Variants in KANK1 observed in about 807,000 individuals in gnomAD.
KANK1 encodes the protein KN motif and ankyrin repeat domain-containing protein 1.
KANK1 carries 109 observed loss-of-function variants against 106.2 expected under a neutral mutation model. That is an observed-to-expected ratio of 1.03 (90% confidence interval 0.88 to 1.20). The LOEUF is 1.20. Among genes scored for constraint, KANK1 ranks in the 50% most tolerant of loss-of-function variants. KANK1 has a pLI of 0.00. For missense variants in KANK1, 2,399 were observed against 1,710.7 expected, an observed-to-expected ratio of 1.40 and a Z score of -7.10; for synonymous variants, 873 against 652.2, an observed-to-expected ratio of 1.34 and a Z score of -5.16.
At chr9:727,935 A>C (rs1831172056) in intron 3 of KANK1, among the ~76,000 whole-genome samples, 1 of 152,112 alleles carries the variant, frequency 6.6e-6, no homozygotes. Flanking sequence ...AAACCTGAAA[A>C]ACTAGTTCAG....
At chr9:585,261 G>A (rs201409252) in intron 1 of KANK1, among the ~76,000 whole-genome samples, 5 of 152,316 alleles carry the variant, frequency 3.3e-5, no homozygotes, top group South Asian at 2.1e-4. Context: ...TTTGCCCGCT[G>A]TGCATCATCC....
At chr9:571,171 C>T (rs1006587300) in intron 1 of KANK1, among the ~76,000 whole-genome samples, 1 of 152,174 alleles carries the variant, frequency 6.6e-6, no homozygotes, top group Non-Finnish European at 1.5e-5. Context: ...ACCAGCTCCA[C>T]TGTGGGGTGT....
At chr9:508,535 A>G (rs1046002228) in intron 1 of KANK1, among the ~76,000 whole-genome samples, 2 of 151,860 alleles carry the variant, frequency 1.3e-5, no homozygotes, top group Non-Finnish European at 2.9e-5. Flanking sequence ...TATTGCCAGC[A>G]TTGCAGAAGT....
intron 1 of KANK1, among the ~76,000 whole-genome samples, chr9:553,884 T>TA (rs1347723378): frequency 1.3e-5 from 2 of 152,142 alleles, no homozygotes; most frequent in Non-Finnish European, 2.9e-5. Context: ...AATGCTCATT[T>TA]AAAAAAATAT....
intron 1 of KANK1, among the ~76,000 whole-genome samples, chr9:666,482 G>T (rs1298463675): frequency 6.6e-6 from 1 of 151,670 alleles, no homozygotes; most frequent in African/African-American, 2.4e-5. Context: ...GCTTTATGTT[G>T]AATGAAAGTA....
At chr9:592,977 C>T (rs1033937259) in intron 1 of KANK1, among the ~76,000 whole-genome samples, 1 of 151,800 alleles carries the variant, frequency 6.6e-6, no homozygotes, top group African/African-American at 2.4e-5. Context: ...TTGGCGTCAC[C>T]CACCATAGCC....
chr9:679,328 A>G (rs949188219), intron 2 of KANK1, among the ~76,000 whole-genome samples: 1 of 152,210 alleles, frequency 6.6e-6, no homozygotes, highest in African/African-American at 2.4e-5. Context: ...GTGTCTGTAT[A>G]TGTATATACA....
intron 1 of KANK1, among the ~76,000 whole-genome samples, chr9:662,152 A>G (rs1166512622): frequency 6.6e-6 from 1 of 152,126 alleles, no homozygotes; most frequent in African/African-American, 2.4e-5. Context: ...GAGAAGTACA[A>G]ACCACTGCTC....
intron 1 of KANK1, among the ~76,000 whole-genome samples, chr9:572,150 ATTTTTTTTTTT>A (rs35843652): frequency 1.2e-4 from 13 of 111,340 alleles, no homozygotes; most frequent in Non-Finnish European, 2.0e-4. Flanking sequence ...ATAAACAGTG[ATTTTTTTTTTT>A]TTTTTTTTTC....
intron 3 of KANK1, chr9:484,361 G>T (rs1375863577): frequency 6.6e-6 from 1 of 152,242 alleles, no homozygotes; most frequent in Non-Finnish European, 1.5e-5. Flanking sequence ...ACTTCTCAGG[G>T]ATGTTGTGAA....
intron 1 of KANK1, among the ~76,000 whole-genome samples, chr9:667,515 G>A: frequency 6.6e-6 from 1 of 151,718 alleles, no homozygotes; most frequent in South Asian, 2.1e-4. Context: ...CCATTATTAG[G>A]TTGTCTTTTG....
intron 1 of KANK1, among the ~76,000 whole-genome samples, chr9:574,416 G>C (rs1443974871): frequency 6.6e-6 from 1 of 151,714 alleles, no homozygotes; most frequent in African/African-American, 2.4e-5. Flanking sequence ...ATTGAAGTAT[G>C]GGGTGCTCTG....
intron 5 of KANK1, chr9:731,805 C>T (rs1274921630): frequency 6.5e-6 from 1 of 154,280 alleles, no homozygotes; most frequent in Non-Finnish European, 1.4e-5. Context: ...TAGTTAAGCC[C>T]CTTTGTTGTC....
chr9:703,719 C>CT lies in KANK1; in HGVS notation c.38-7075dup, dbSNP rs200369981. On this transcript the variant is annotated intron_variant, in intron 2 of 11. Transcript: ENST00000382297. ...GGTAGATTTTTTTTTTTAAACTGCT[C>CT]TTTTTTTTTTGAGACGGAGTCTTGC... is the stretch of plus-strand genomic sequence containing the variant. 6.9e-3 allele frequency among the ~76,000 whole-genome samples: 1,026 copies of CT among 148,162 alleles called. 15 individuals carry two copies. The highest frequency in any genetic ancestry group is 0.019 in the African/African-American group (783 of 40,494).
At chr9:641,845 G>T (rs181350289) in intron 1 of KANK1, among the ~76,000 whole-genome samples, 346 of 152,200 alleles carry the variant, frequency 2.3e-3, no homozygotes, top group African/African-American at 8.2e-3. Flanking sequence ...AAACCATGCA[G>T]TCCACCCTTT....
At chr9:549,027 G>T (rs2061107155) in intron 1 of KANK1, 2 of 152,146 alleles carry the variant, frequency 1.3e-5, no homozygotes, top group African/African-American at 4.8e-5. Context: ...ATATGGTCAT[G>T]TAAGGTTACC....
rs998854508 is a variant in KANK1, at chr9:648,800, C to T, written c.-83-28090C>T. Reference sequence around the variant, plus strand: ...AAAACACTGTAAAATTATAAAGCTGCGGACATGTCAGTTGTCATGTTTGGT... The same window carrying T: ...AAAACACTGTAAAATTATAAAGCTGTGGACATGTCAGTTGTCATGTTTGGT... On this transcript the variant is annotated intron_variant, in intron 1 of 11. Transcript: ENST00000382297. 3.3e-5 allele frequency among the ~76,000 whole-genome samples: 5 copies of T among 152,120 alleles called. No homozygotes were observed. In the South Asian group the frequency reaches 8.3e-4, roughly 25 times the overall value.
chr9:611,139 T>C (rs1378113441), intron 1 of KANK1, among the ~76,000 whole-genome samples: 1 of 152,164 alleles, frequency 6.6e-6, no homozygotes, highest in Non-Finnish European at 1.5e-5. Context: ...TGGCTTGACA[T>C]GTGAGGAGGT....
At chr9:507,194 AAAAT>A (rs889117025) in intron 1 of KANK1, among the ~76,000 whole-genome samples, 1 of 151,970 alleles carries the variant, frequency 6.6e-6, no homozygotes, top group Non-Finnish European at 1.5e-5. Flanking sequence ...CTCTACAAAA[AAAAT>A]AAAAAATAAC....
Sources: gnomAD v4.1 joint callset for allele counts (sites outside exome capture counted in the v4.1 genomes callset) on GRCh38, gnomAD v4.1.1 for gene constraint, MANE v1.5 for transcripts, NCBI Gene and HGNC (gene_info 2026-07-23, HGNC 2026-07-21) for gene names.